OSBP: variants seen among roughly 807,000 people sequenced by gnomAD.
OSBP encodes oxysterol binding protein.
OSBP carries 32 observed loss-of-function variants against 96.6 expected under a neutral mutation model. The ratio of observed to expected loss-of-function variants is 0.33; its 90% confidence interval spans 0.25 to 0.45. The LOEUF (loss-of-function observed/expected upper bound fraction) is 0.45. Ranked by LOEUF, OSBP falls within the 20% of genes least tolerant of loss-of-function variation. The pLI is 1.00. For synonymous variants in OSBP, 369 were observed against 389.6 expected (o/e 0.95, Z 0.62); for missense variants, 653 against 1,029.7 (o/e 0.63, Z 5.01).
intron 12 of OSBP, among the ~76,000 whole-genome samples, chr11:59,577,305 C>A (rs913989240): frequency 1.3e-5 from 2 of 152,206 alleles, no homozygotes; most frequent in Admixed American, 1.3e-4. Flanking sequence ...AGGAAACATT[C>A]TACTGAATGA....
intron 3 of OSBP, among the ~76,000 whole-genome samples, chr11:59,602,313 C>T (rs923567578): frequency 2.0e-5 from 3 of 152,188 alleles, no homozygotes; most frequent in African/African-American, 7.2e-5. Flanking sequence ...TATGGGGAAA[C>T]TCATTTGGTT....
At chr11:59,587,488 C>T (rs768924953) in intron 9 of OSBP, among the ~76,000 whole-genome samples, 7 of 148,302 alleles carry the variant, frequency 4.7e-5, no homozygotes, top group Admixed American at 2.7e-4. Context: ...GATGACAGTG[C>T]GAGACTCCAT....
intron 7 of OSBP, among the ~76,000 whole-genome samples, chr11:59,599,869 C>T (rs920481934): frequency 1.3e-5 from 2 of 152,276 alleles, no homozygotes; most frequent in East Asian, 3.9e-4. Context: ...GAGGAGTTAC[C>T]AAGCCCCCTA....
At chr11:59,595,996 TAAAA>T (rs1484164706) in intron 7 of OSBP, among the ~76,000 whole-genome samples, 12 of 141,644 alleles carry the variant, frequency 8.5e-5, no homozygotes, top group African/African-American at 1.9e-4. Flanking sequence ...AATAAATAAA[TAAAA>T]TTCATAAACT....
rs1307680062 is a variant in OSBP, at chr11:59,588,404, C to T, written c.1678+5200G>A. Reference sequence around the variant, plus strand: ...CACAAAAATTAGCCGGGTGTGGAGGCGGGTACCTGTGATCCCAGCTACTCG... The same window carrying T: ...CACAAAAATTAGCCGGGTGTGGAGGTGGGTACCTGTGATCCCAGCTACTCG... On this transcript the variant is annotated intron_variant, in intron 9 of 13. Transcript: ENST00000263847. 6.6e-5 allele frequency among the ~76,000 whole-genome samples: 10 copies of T among 151,846 alleles called. No individual in the cohort carries two copies. The South Asian group carries it at 1.3e-3, about 19-fold the overall frequency.
chr11:59,613,418 C>G (rs1468136046), intron 1 of OSBP, among the ~76,000 whole-genome samples: 3 of 152,230 alleles, frequency 2.0e-5, no homozygotes, highest in Non-Finnish European at 4.4e-5. Context: ...TTGATCAACA[C>G]TAGTACTGAT....
chr11:59,614,612 G>A (rs910092857), intron 1 of OSBP, among the ~76,000 whole-genome samples: 3 of 152,214 alleles, frequency 2.0e-5, no homozygotes, highest in Non-Finnish European at 4.4e-5. Context: ...AAAAATCACA[G>A]AAATGCCAGA....
At chr11:59,582,778 T>C (rs182231044) in intron 9 of OSBP, among the ~76,000 whole-genome samples, 1 of 152,278 alleles carries the variant, frequency 6.6e-6, no homozygotes, top group East Asian at 1.9e-4. Flanking sequence ...CAGAATTGCA[T>C]TACAGTATTG....
intron 7 of OSBP, among the ~76,000 whole-genome samples, chr11:59,599,729 A>AT (rs1255439821): frequency 6.6e-6 from 1 of 152,212 alleles, no homozygotes; most frequent in Non-Finnish European, 1.5e-5. Flanking sequence ...GCAAGTGTTA[A>AT]TAGGGAACTG....
chr11:59,576,998 G>C lies in OSBP; in HGVS notation c.2088C>G (p.Phe696Leu). The change falls in exon 13 of 14, where the codon TTC becomes TTG. Residue 696 changes from phenylalanine to leucine, a missense_variant. This residue lies in a region of OSBP where 169 missense variants were observed against 251.5 expected (regional missense o/e 0.67). Transcript: ENST00000263847. Reference protein sequence around the residue: ...LPKNAENMYYFSELALTLNAW... With the variant: ...LPKNAENMYYLSELALTLNAW... Reference sequence around the variant, plus strand: ...CATTGAGAGTCAGAGCAAGCTCTGAGAAGTAGTACATGTTTTCTGCATTCT... The same window carrying C: ...CATTGAGAGTCAGAGCAAGCTCTGACAAGTAGTACATGTTTTCTGCATTCT... 6.2e-7 allele frequency: 1 copy of C among 1,613,364 alleles called. No homozygotes were observed. Among genetic ancestry groups the C allele is most frequent in the Non-Finnish European group, 8.5e-7 (1 of 1,179,712 alleles).
intron 9 of OSBP, among the ~76,000 whole-genome samples, chr11:59,586,362 T>C (rs575432704): frequency 6.6e-6 from 1 of 152,192 alleles, no homozygotes; most frequent in East Asian, 1.9e-4. Context: ...ATGAACTTAA[T>C]CAAGGAGGTG....
chr11:59,593,986 G>T, intron 8 of OSBP, 24 bp downstream of exon 8: 2 of 1,610,766 alleles, frequency 1.2e-6, no homozygotes, highest in South Asian at 1.1e-5. Context: ...AAGGAAATGC[G>T]TTATGGTTCT....
chr11:59,615,448 C>T lies in OSBP; in HGVS notation c.217G>A (p.Ala73Thr). The T allele has an allele frequency of 6.8e-7, 1 of 1,463,580 alleles. No homozygotes were observed. Among genetic ancestry groups the T allele is most frequent in the Non-Finnish European group, 9.1e-7 (1 of 1,098,846 alleles). 90.7% of individuals were successfully genotyped at this position (1,463,580 alleles called of 1,614,324 possible). A position where few individuals can be genotyped will look rare whatever the true frequency, so the allele number is the denominator to read the frequency against. ...GGVAAAGPAP[A>T]PPTGGSGGSG... ...CCGCCCGAGCCCCCAGTCGGCGGCG[C>T]AGGGGCCGGGCCAGCCGCCGCCACT... Residue 73 changes from alanine to threonine, a missense_variant, in exon 1 of 14, where the codon GCG (alanine) becomes ACG (threonine). Ala to Thr is a moderately conservative substitution (Grantham distance 58). Coordinates refer to ENST00000263847, the MANE Select transcript of OSBP (RefSeq NM_002556.3).
intron 7 of OSBP, among the ~76,000 whole-genome samples, chr11:59,599,940 G>C (rs1321858546): frequency 6.6e-6 from 1 of 152,180 alleles, no homozygotes; most frequent in Non-Finnish European, 1.5e-5. Context: ...GCTGAGGACT[G>C]ACATGACTAC....
At chr11:59,590,624 T>C (rs1860566227) in intron 9 of OSBP, among the ~76,000 whole-genome samples, 1 of 152,222 alleles carries the variant, frequency 6.6e-6, no homozygotes, top group Non-Finnish European at 1.5e-5. Context: ...ACATAAAAGT[T>C]TGAACGACTT....
At chr11:59,613,638 C>A (rs538616273) in intron 1 of OSBP, among the ~76,000 whole-genome samples, 1 of 152,226 alleles carries the variant, frequency 6.6e-6, no homozygotes, top group South Asian at 2.1e-4. Flanking sequence ...AGAGAAAAAT[C>A]TGGGGAAATT....
rs1392640349 is a variant in OSBP, at chr11:59,600,414, G to A, written c.1311+82C>T. ...CATGCCACAAACTGCCGCACAAGTGGGTGGGGCTGTCATATCAGCACTCTT... is the reference window on the plus strand; with the variant it reads ...CATGCCACAAACTGCCGCACAAGTGAGTGGGGCTGTCATATCAGCACTCTT... On this transcript the variant is annotated intron_variant, in intron 7 of 13. Coordinates refer to ENST00000263847, the MANE Select transcript of OSBP (RefSeq NM_002556.3). 2.8e-6 allele frequency: 4 copies of A among 1,424,880 alleles called. No individual in the cohort carries two copies. In the East Asian group the frequency reaches 6.9e-5, roughly 25 times the overall value. 88.3% of individuals were successfully genotyped at this position (1,424,880 alleles called of 1,614,324 possible).
In OSBP at chr11:59,606,609, T is replaced by C. The variant is rs548949064; in HGVS notation, c.822+1875A>G. On this transcript the variant is annotated intron_variant, in intron 3 of 13. Transcript: ENST00000263847. ...TTCACTACTTGGGCAATGGGATAAT[T>C]AGAAGCCCAAACCTCAGCATCACGC... Among the ~76,000 whole-genome samples, 18 of 152,266 alleles carry C rather than the reference T, an allele frequency of 1.2e-4. No individual in the cohort carries two copies. In the South Asian group the frequency reaches 3.7e-3, roughly 32 times the overall value.
At chr11:59,584,867 T>C (rs1054719077) in intron 9 of OSBP, among the ~76,000 whole-genome samples, 2 of 152,126 alleles carry the variant, frequency 1.3e-5, no homozygotes, top group African/African-American at 4.8e-5. Flanking sequence ...TGTTTGCAGA[T>C]ATGATCTCAT....
Sources: gnomAD v4.1 joint callset for allele counts (sites outside exome capture counted in the v4.1 genomes callset) on GRCh38, gnomAD v4.1.1 for gene constraint, gnomAD v4.1.1 regional missense constraint, MANE v1.5 for transcripts, NCBI Gene and HGNC (gene_info 2026-07-23, HGNC 2026-07-21) for gene names.